Variants in SGCZ observed in about 807,000 individuals in gnomAD.
SGCZ encodes the protein sarcoglycan zeta, also known as zeta-sarcoglycan.
In SGCZ, 40 loss-of-function variants were observed where a neutral mutation model predicts 41.3. The ratio of observed to expected loss-of-function variants is 0.97; its 90% CI spans 0.75 to 1.26. The LOEUF (loss-of-function observed/expected upper bound fraction) is 1.26, where lower values mean the gene tolerates loss of function less well. Ranked by LOEUF, SGCZ falls within the 50% of genes most tolerant of loss-of-function variation. The pLI is 0.00. For synonymous variants in SGCZ, 206 were observed against 137.5 expected (o/e 1.50, Z -3.49); for missense variants, 552 against 369.8 (o/e 1.49, Z -4.04).
chr8:14,138,335 A>G (rs985886614), intron 5 of SGCZ, among the ~76,000 whole-genome samples: 1 of 152,194 alleles, frequency 6.6e-6, no homozygotes, highest in African/African-American at 2.4e-5. Flanking sequence ...TAACATAACA[A>G]TATTAACCTT....
At chr8:15,105,823 A>AT (rs146205099) in intron 1 of SGCZ, among the ~76,000 whole-genome samples, 2,222 of 152,212 alleles carry the variant, frequency 0.015, 48 homozygotes, top group African/African-American at 0.051. Context: ...GAGTGCTGTT[A>AT]TTTTTTTCAA....
intron 1 of SGCZ, among the ~76,000 whole-genome samples, chr8:14,863,177 C>G (rs73666907): frequency 0.063 from 9,518 of 152,200 alleles, 554 homozygotes; most frequent in African/African-American, 0.16. Flanking sequence ...TTATACCAAA[C>G]TCTTAATCCT....
At chr8:14,136,582 G>A (rs1251607899) in intron 5 of SGCZ, among the ~76,000 whole-genome samples, 1 of 152,176 alleles carries the variant, frequency 6.6e-6, no homozygotes, top group Admixed American at 6.5e-5. Flanking sequence ...CTGCGAGGTG[G>A]CAGCGAGGCT....
At chr8:14,184,554 T>G (rs1804841031) in intron 4 of SGCZ, among the ~76,000 whole-genome samples, 1 of 152,194 alleles carries the variant, frequency 6.6e-6, no homozygotes, top group Non-Finnish European at 1.5e-5. Flanking sequence ...TACTAAACAC[T>G]GTACAGAGCT....
intron 2 of SGCZ, among the ~76,000 whole-genome samples, chr8:14,453,604 GA>G (rs1800660456): frequency 6.6e-6 from 1 of 152,132 alleles, no homozygotes; most frequent in African/African-American, 2.4e-5. Flanking sequence ...GGTGGTAACA[GA>G]AGAAAGAATC....
chr8:14,616,891 T>C (rs1301332988), intron 1 of SGCZ, among the ~76,000 whole-genome samples: 1 of 152,202 alleles, frequency 6.6e-6, no homozygotes, highest in Non-Finnish European at 1.5e-5. Context: ...CTTAAAAATT[T>C]AGTTGGAAAG....
At chr8:14,332,964 A>G (rs1049869028) in intron 2 of SGCZ, among the ~76,000 whole-genome samples, 3 of 151,138 alleles carry the variant, frequency 2.0e-5, no homozygotes, top group Non-Finnish European at 4.4e-5. Flanking sequence ...AAATGTTCAC[A>G]TACGAAATGG....
intron 1 of SGCZ, among the ~76,000 whole-genome samples, chr8:14,982,872 C>A (rs1466774187): frequency 6.6e-6 from 1 of 152,152 alleles, no homozygotes; most frequent in Non-Finnish European, 1.5e-5. Flanking sequence ...ATCGTTCAAA[C>A]TTTTATTAGC....
In SGCZ at chr8:14,797,686, T is replaced by C. The variant is rs1044957519; in HGVS notation, c.40-242760A>G. Among the ~76,000 whole-genome samples the C allele has an allele frequency of 5.3e-5, 8 of 152,320 alleles. No homozygotes were observed. The East Asian group carries it at 1.5e-3, about 29-fold the overall frequency. On this transcript the variant is annotated intron_variant, in intron 1 of 7. Coordinates refer to ENST00000382080, the MANE Select transcript of SGCZ (RefSeq NM_139167.4). ...ATGGGGAGAATGACTCCAAGGCATG[T>C]CAGAGACCTTTGTGGCAGCCCCTCC...
chr8:15,130,930 T>C (rs985993505), intron 1 of SGCZ, among the ~76,000 whole-genome samples: 38 of 152,170 alleles, frequency 2.5e-4, no homozygotes, highest in Non-Finnish European at 2.2e-4. Flanking sequence ...TTATTGAGCA[T>C]TTACTATGTG....
At chr8:15,193,153 C>T (rs1274770917) in intron 1 of SGCZ, among the ~76,000 whole-genome samples, 1 of 152,046 alleles carries the variant, frequency 6.6e-6, no homozygotes, top group African/African-American at 2.4e-5. Context: ...TTGAGCAAGT[C>T]TCCTGATTCT....
chr8:14,570,549 AG>A (rs1220370537), intron 1 of SGCZ, among the ~76,000 whole-genome samples: 1 of 152,202 alleles, frequency 6.6e-6, no homozygotes, highest in Non-Finnish European at 1.5e-5. Flanking sequence ...TTTTTCATAG[AG>A]CTTTTCCTTC....
intron 1 of SGCZ, among the ~76,000 whole-genome samples, chr8:14,675,169 T>G (rs147382060): frequency 0.015 from 2,329 of 151,748 alleles, 60 homozygotes; most frequent in African/African-American, 0.054. Flanking sequence ...CTCGATCTCC[T>G]GATCTCGTGA....
intron 1 of SGCZ, among the ~76,000 whole-genome samples, chr8:14,615,467 A>G (rs545049223): frequency 6.6e-6 from 1 of 152,336 alleles, no homozygotes; most frequent in Non-Finnish European, 1.5e-5. Context: ...TGATTCATAA[A>G]TAGTTCTTTG....
chr8:14,556,424 G>A (rs957128693), intron 1 of SGCZ, among the ~76,000 whole-genome samples: 1 of 151,130 alleles, frequency 6.6e-6, no homozygotes, highest in Admixed American at 6.7e-5. Context: ...CAATCCTACT[G>A]TAGATAAAAT....
At chr8:14,899,506 C>T (rs148309687) in intron 1 of SGCZ, among the ~76,000 whole-genome samples, 2 of 152,138 alleles carry the variant, frequency 1.3e-5, no homozygotes, top group African/African-American at 4.8e-5. Flanking sequence ...ACATGAGTAG[C>T]CATTTCCTCA....
At chr8:14,634,857 A>AT (rs1806776184) in intron 1 of SGCZ, among the ~76,000 whole-genome samples, 2 of 151,868 alleles carry the variant, frequency 1.3e-5, no homozygotes, top group Non-Finnish European at 2.9e-5. Context: ...TGAATATCAC[A>AT]TTTTTTGAGA....
At chr8:15,236,273 G>T (rs1046698541) in intron 1 of SGCZ, among the ~76,000 whole-genome samples, 1 of 152,158 alleles carries the variant, frequency 6.6e-6, no homozygotes, top group African/African-American at 2.4e-5. Context: ...AATCTGGGGC[G>T]CCTGGAGAAC....
chr8:14,312,493 C>T (rs1200317891), intron 3 of SGCZ, among the ~76,000 whole-genome samples: 2 of 152,068 alleles, frequency 1.3e-5, no homozygotes, highest in Non-Finnish European at 2.9e-5. Flanking sequence ...ACTGTTGGTG[C>T]TTGTAATCCT....
Sources: gnomAD v4.1 joint callset for allele counts (sites outside exome capture counted in the v4.1 genomes callset) on GRCh38, gnomAD v4.1.1 for gene constraint, MANE v1.5 for transcripts, NCBI Gene and HGNC (gene_info 2026-07-23, HGNC 2026-07-21) for gene names.